The following ERBB4 variants were observed in gnomAD, a reference collection of about 807,000 sequenced individuals.
ERBB4 encodes the protein receptor tyrosine-protein kinase erbB-4.
ERBB4 carries 42 observed loss-of-function variants against 158.0 expected under a neutral mutation model. That is an observed-to-expected ratio of 0.27 (90% CI 0.21 to 0.34). The LOEUF is 0.34. ERBB4 is among the 10% of genes least tolerant of loss of function. The probability of loss-of-function intolerance (pLI) is 1.00; values close to 1 mark genes in which losing one functional copy is unlikely to be tolerated. For synonymous variants in ERBB4, 583 were observed against 558.7 expected (o/e 1.04, Z -0.61); for missense variants, 1,333 against 1,624.1 (o/e 0.82, Z 3.08).
chr2:212,313,710 T>A (rs1310434387), intron 1 of ERBB4, among the ~76,000 whole-genome samples: 2 of 151,036 alleles, frequency 1.3e-5, no homozygotes, highest in Non-Finnish European at 3.0e-5. Context: ...AGTCACAATT[T>A]AGTTTTGTTT....
chr2:212,504,893 A>T (rs941673131), intron 1 of ERBB4, among the ~76,000 whole-genome samples: 1 of 152,216 alleles, frequency 6.6e-6, no homozygotes, highest in South Asian at 2.1e-4. Context: ...GTGTGCCAGG[A>T]AAGTAATACT....
At chr2:211,440,608 T>C (rs981845572) in intron 20 of ERBB4, among the ~76,000 whole-genome samples, 2 of 152,176 alleles carry the variant, frequency 1.3e-5, no homozygotes, top group South Asian at 4.1e-4. Flanking sequence ...GGGATAGGGA[T>C]ATGTATATAC....
At chr2:211,805,453 G>C (rs1373304411) in intron 3 of ERBB4, among the ~76,000 whole-genome samples, 1 of 152,178 alleles carries the variant, frequency 6.6e-6, no homozygotes, top group Non-Finnish European at 1.5e-5. Context: ...AAGAGTATGA[G>C]CATAGAAAAA....
intron 3 of ERBB4, among the ~76,000 whole-genome samples, chr2:211,822,271 T>C (rs2077011998): frequency 6.6e-6 from 1 of 151,748 alleles, no homozygotes; most frequent in Admixed American, 6.6e-5. Context: ...TAATATATAG[T>C]TTAAAATAGC....
chr2:211,376,942 C>T lies in ERBB4; in HGVS notation c.*6673G>A, dbSNP rs1559103917. ...GTTAGCTGCCCTCACACAGCTGCTC[C>T]GTTTAATAATCGACCCATTTAACAG... On this transcript the variant is annotated 3_prime_UTR_variant, in exon 28 of 28. Transcript: ENST00000342788. 5 of 233,236 alleles carry T rather than the reference C, an allele frequency of 2.1e-5. No individual in the cohort carries two copies. Among genetic ancestry groups the T allele is most frequent in the Admixed American group, 5.6e-5 (1 of 17,734 alleles). 14.4% of individuals were successfully genotyped at this position (233,236 alleles called of 1,614,324 possible). A position where few individuals can be genotyped will look rare whatever the true frequency, so the allele number is the denominator to read the frequency against.
At position 212,286,594 on chromosome 2, in the gene ERBB4, C is replaced by CTTGTTTTTTTTTTTGT. The variant is rs760466245; in HGVS notation, c.83-161692_83-161691insACAAAAAAAAAAACAA. The stretch of plus-strand genomic sequence containing the variant: ...AATGAGATGATTACATAAGTGCTGA[C>CTTGTTTTTTTTTTTGT]TTTTTTTTTTTTTTTTTTTTTTTTT... On this transcript the variant is annotated intron_variant, in intron 1 of 27. Transcript: ENST00000342788. 5.9e-4 allele frequency among the ~76,000 whole-genome samples: 33 copies of CTTGTTTTTTTTTTTGT among 55,526 alleles called. No homozygotes were observed. In the East Asian group the frequency reaches 6.5e-3, roughly 11 times the overall value. 36.4% of individuals were successfully genotyped at this position (55,526 alleles called of 152,430 possible).
intron 2 of ERBB4, among the ~76,000 whole-genome samples, chr2:212,041,712 T>A (rs182021103): frequency 3.2e-4 from 49 of 152,012 alleles, no homozygotes; most frequent in Non-Finnish European, 6.0e-4. Context: ...ATATAGAATA[T>A]CCTATTCTCT....
chr2:211,747,527 C>A (rs1319136425), intron 5 of ERBB4, among the ~76,000 whole-genome samples: 1 of 152,060 alleles, frequency 6.6e-6, no homozygotes, highest in Non-Finnish European at 1.5e-5. Flanking sequence ...CACGTGTCTG[C>A]TTGGCAATTA....
At chr2:211,871,679 C>A (rs1391600634) in intron 3 of ERBB4, among the ~76,000 whole-genome samples, 1 of 152,128 alleles carries the variant, frequency 6.6e-6, no homozygotes, top group Non-Finnish European at 1.5e-5. Context: ...TAAAGAAAAT[C>A]TAATTGAAGC....
At chr2:211,546,419 AACTTTCTTATAGAAGAATAGATT>A (rs2066942632) in intron 20 of ERBB4, among the ~76,000 whole-genome samples, 2 of 152,118 alleles carry the variant, frequency 1.3e-5, no homozygotes, top group South Asian at 4.1e-4. Context: ...TAAATTTTTA[AACTTTCTTATAGAAGAATAGATT>A]GGCATAAAGC....
At chr2:211,803,796 A>G (rs761925774) in intron 3 of ERBB4, among the ~76,000 whole-genome samples, 46 of 152,244 alleles carry the variant, frequency 3.0e-4, no homozygotes, top group Non-Finnish European at 6.2e-4. Flanking sequence ...TACTACATCA[A>G]TAACCAGACT....
At chr2:211,419,076 C>T (rs560049663) in intron 25 of ERBB4, among the ~76,000 whole-genome samples, 15 of 152,160 alleles carry the variant, frequency 9.9e-5, no homozygotes, top group African/African-American at 3.6e-4. Flanking sequence ...TGGGAAATTT[C>T]CCAAACAAGA....
intron 1 of ERBB4, among the ~76,000 whole-genome samples, chr2:212,200,094 A>G (rs973308953): frequency 2.0e-5 from 3 of 152,330 alleles, no homozygotes; most frequent in African/African-American, 7.2e-5. Flanking sequence ...GCTGGTAATT[A>G]TAGGACATTA....
intron 2 of ERBB4, among the ~76,000 whole-genome samples, chr2:212,096,670 G>T (rs1242498994): frequency 6.6e-6 from 1 of 152,078 alleles, no homozygotes; most frequent in Non-Finnish European, 1.5e-5. Flanking sequence ...CTAGTTGCAG[G>T]TTCATGATTT....
chr2:211,943,187 T>C (rs956338199), intron 3 of ERBB4, among the ~76,000 whole-genome samples: 1 of 152,052 alleles, frequency 6.6e-6, no homozygotes, highest in African/African-American at 2.4e-5. Flanking sequence ...TTATAAATTA[T>C]AGAAGGGAGA....
At chr2:211,502,787 T>G (rs1559233729) in intron 20 of ERBB4, among the ~76,000 whole-genome samples, 1 of 152,168 alleles carries the variant, frequency 6.6e-6, no homozygotes, top group Non-Finnish European at 1.5e-5. Flanking sequence ...TGTGTAAAAC[T>G]TCTTGGAGTT....
intron 1 of ERBB4, among the ~76,000 whole-genome samples, chr2:212,173,371 A>T (rs2081575045): frequency 6.6e-6 from 1 of 152,134 alleles, no homozygotes; most frequent in Non-Finnish European, 1.5e-5. Flanking sequence ...GCAGCTAGGG[A>T]AGAGTACCCC....
intron 3 of ERBB4, among the ~76,000 whole-genome samples, chr2:211,946,656 T>C (rs1350913764): frequency 2.9e-5 from 4 of 135,958 alleles, no homozygotes; most frequent in Non-Finnish European, 6.2e-5. Context: ...TGGTGCGATC[T>C]CAATAAGCAG....
chr2:211,511,218 G>T (rs1050939487), intron 20 of ERBB4, among the ~76,000 whole-genome samples: 1 of 151,776 alleles, frequency 6.6e-6, no homozygotes, highest in Admixed American at 6.6e-5. Flanking sequence ...CATATATATA[G>T]ATATATATCC....
Sources: allele counts gnomAD v4.1 joint callset (sites outside exome capture counted in the v4.1 genomes callset), GRCh38; gene constraint gnomAD v4.1.1; transcripts MANE v1.5; gene names NCBI Gene and HGNC (gene_info 2026-07-23, HGNC 2026-07-21).